MSRA: variants seen among roughly 807,000 people sequenced by gnomAD.
MSRA encodes the protein mitochondrial peptide methionine sulfoxide reductase.
A neutral mutation model predicts 31.3 loss-of-function variants in MSRA; 54 were observed. That is an observed-to-expected ratio of 1.73 (90% CI 1.39 to 2.17). The LOEUF is 2.17. MSRA is among the 30% of genes most tolerant of loss of function. MSRA has a pLI of 0.00. For synonymous variants in MSRA, 169 were observed against 116.5 expected (o/e 1.45, Z -2.90); for missense variants, 507 against 300.9 (o/e 1.69, Z -5.07).
At chr8:10,196,779 C>T (rs1808030316) in intron 1 of MSRA, among the ~76,000 whole-genome samples, 1 of 151,722 alleles carries the variant, frequency 6.6e-6, no homozygotes, top group Non-Finnish European at 1.5e-5. Context: ...ACCATGTTGG[C>T]CAGGCTGGTC....
At chr8:10,415,978 G>A (rs745354635) in intron 5 of MSRA, among the ~76,000 whole-genome samples, 2 of 151,998 alleles carry the variant, frequency 1.3e-5, no homozygotes, top group Admixed American at 6.5e-5. Context: ...TCACAGTCCC[G>A]TGTGTCCTCT....
At chr8:10,427,101 A>G (rs191909609) in intron 5 of MSRA, among the ~76,000 whole-genome samples, 1 of 152,288 alleles carries the variant, frequency 6.6e-6, no homozygotes, top group East Asian at 1.9e-4. Context: ...GCAGACTTGA[A>G]GACTTCATCT....
chr8:10,342,363 A>T (rs754469660), intron 5 of MSRA, among the ~76,000 whole-genome samples: 2 of 152,212 alleles, frequency 1.3e-5, no homozygotes, highest in Non-Finnish European at 2.9e-5. Flanking sequence ...TCAGCCATCG[A>T]GTGTTGATGT....
intron 3 of MSRA, among the ~76,000 whole-genome samples, chr8:10,294,477 C>A (rs927276945): frequency 1.6e-4 from 24 of 152,218 alleles, no homozygotes; most frequent in African/African-American, 5.5e-4. Flanking sequence ...GAAGTTAAAG[C>A]CCATAGAGGA....
chr8:10,089,136 TCC>T (rs1554542761), intron 1 of MSRA, among the ~76,000 whole-genome samples: 2 of 76,898 alleles, frequency 2.6e-5, no homozygotes, highest in Admixed American at 1.2e-4. Context: ...GCTGCTTTTG[TCC>T]CACACACACA....
intron 5 of MSRA, among the ~76,000 whole-genome samples, chr8:10,396,203 GC>G (rs1807087971): frequency 6.6e-6 from 1 of 152,176 alleles, no homozygotes; most frequent in African/African-American, 2.4e-5. Flanking sequence ...TTGGTACAAG[GC>G]CAGGCCTCCA....
At chr8:10,178,078 C>G (rs1806210936) in intron 1 of MSRA, among the ~76,000 whole-genome samples, 1 of 152,164 alleles carries the variant, frequency 6.6e-6, no homozygotes, top group African/African-American at 2.4e-5. Flanking sequence ...ATGAGTACAT[C>G]TATTCCTGAG....
intron 5 of MSRA, among the ~76,000 whole-genome samples, chr8:10,375,346 G>A (rs151250102): frequency 2.6e-4 from 40 of 152,348 alleles, no homozygotes; most frequent in Non-Finnish European, 4.4e-4. Context: ...AGGACAGCTG[G>A]TATGGATCTT....
At chr8:10,205,129 G>A (rs1808842034) in intron 1 of MSRA, among the ~76,000 whole-genome samples, 1 of 152,116 alleles carries the variant, frequency 6.6e-6, no homozygotes, top group Admixed American at 6.5e-5. Flanking sequence ...GGGGAGGAGG[G>A]GTCTTGGAGT....
chr8:10,137,125 C>T (rs995926918), intron 1 of MSRA, among the ~76,000 whole-genome samples: 19 of 152,198 alleles, frequency 1.2e-4, no homozygotes, highest in African/African-American at 4.3e-4. Context: ...TTTAACAGAA[C>T]AAAGCTCGTC....
chr8:10,124,864 C>T (rs1475262063), intron 1 of MSRA, among the ~76,000 whole-genome samples: 2 of 151,972 alleles, frequency 1.3e-5, no homozygotes, highest in African/African-American at 4.8e-5. Context: ...TCAGTTCTAC[C>T]TTAAAAATAA....
intron 3 of MSRA, among the ~76,000 whole-genome samples, chr8:10,261,636 C>G (rs964448819): frequency 2.0e-5 from 3 of 152,172 alleles, no homozygotes; most frequent in African/African-American, 7.2e-5. Flanking sequence ...GCCTGCCACA[C>G]ATACATCCAT....
chr8:10,365,155 A>AG (rs1805085866), intron 5 of MSRA, among the ~76,000 whole-genome samples: 1 of 151,566 alleles, frequency 6.6e-6, no homozygotes, highest in African/African-American at 2.4e-5. Context: ...AAAAAAAAAA[A>AG]AAAAAAAAAG....
chr8:10,173,263 C>T (rs1016635098), intron 1 of MSRA, among the ~76,000 whole-genome samples: 2 of 152,234 alleles, frequency 1.3e-5, no homozygotes, highest in Admixed American at 1.3e-4. Flanking sequence ...TCCGTGTCTG[C>T]CTGCAGCCTT....
chr8:10,211,026 G>A (rs1296367250), intron 2 of MSRA, among the ~76,000 whole-genome samples: 2 of 151,912 alleles, frequency 1.3e-5, no homozygotes, highest in East Asian at 1.9e-4. Flanking sequence ...ATGAGTCATC[G>A]CACCCGGCCA....
intron 5 of MSRA, among the ~76,000 whole-genome samples, chr8:10,352,936 T>C (rs1804271388): frequency 6.6e-6 from 1 of 152,152 alleles, no homozygotes; most frequent in African/African-American, 2.4e-5. Context: ...ATGAGCCCAC[T>C]TGCAATCTCT....
intron 3 of MSRA, among the ~76,000 whole-genome samples, chr8:10,289,165 G>A (rs538971615): frequency 1.5e-4 from 23 of 151,966 alleles, no homozygotes; most frequent in African/African-American, 4.3e-4. Context: ...ACAGGTGCCC[G>A]CCACCATGCC....
At chr8:10,406,668 C>G (rs1323866861) in intron 5 of MSRA, among the ~76,000 whole-genome samples, 1 of 152,214 alleles carries the variant, frequency 6.6e-6, no homozygotes, top group African/African-American at 2.4e-5. Flanking sequence ...AACCTACTTT[C>G]AAACACAAAA....
chr8:10,399,890 C>G (rs1159465620), intron 5 of MSRA, among the ~76,000 whole-genome samples: 2 of 152,056 alleles, frequency 1.3e-5, no homozygotes, highest in Admixed American at 1.3e-4. Context: ...GATGGATGGT[C>G]TTGGGGGCAG....
Sources: gnomAD v4.1 joint callset for allele counts (sites outside exome capture counted in the v4.1 genomes callset) on GRCh38, gnomAD v4.1.1 for gene constraint, MANE v1.5 for transcripts, NCBI Gene and HGNC (gene_info 2026-07-23, HGNC 2026-07-21) for gene names.